Variants in HBQ1 observed in about 807,000 individuals in gnomAD.
The protein encoded by HBQ1 is hemoglobin subunit theta-1.
A neutral mutation model predicts 8.2 loss-of-function variants in HBQ1; 9 were observed. The observed-to-expected ratio is 1.10, with a 90% CI of 0.66 to 1.92. HBQ1 has a LOEUF of 1.92. Ranked by LOEUF, HBQ1 falls within the 40% of genes most tolerant of loss-of-function variation. The pLI is 0.00. For missense variants in HBQ1, 216 were observed against 189.3 expected (o/e 1.14, Z -0.83); for synonymous variants, 102 against 100.0 (o/e 1.02, Z -0.12).
At position 180,768 on chromosome 16, in the gene HBQ1, G is replaced by T; in HGVS notation, c.198G>T (p.Ala66=). The T allele has an allele frequency of 6.4e-7, 1 of 1,573,560 alleles. No individual in the cohort carries two copies. Among genetic ancestry groups the T allele is most frequent in the Non-Finnish European group, 8.6e-7 (1 of 1,161,936 alleles). ...VRAHGQKVAD[A]LSLAVERLDD... is the part of the protein sequence containing the mutation. ...CCCACGGCCAGAAGGTGGCGGACGCGCTGAGCCTCGCCGTGGAGCGCCTGG... is the reference window on the plus strand; with the variant it reads ...CCCACGGCCAGAAGGTGGCGGACGCTCTGAGCCTCGCCGTGGAGCGCCTGG... Residue 66 remains alanine (A), a synonymous_variant, in exon 2 of 3, where the codon GCG becomes GCT. Coordinates refer to ENST00000199708, the MANE Select transcript of HBQ1 (RefSeq NM_005331.5).
At chr16:180,942 G>T in intron 2 of HBQ1, 38 bp from the exon 3 acceptor site, 1 of 1,534,784 alleles carries the variant, frequency 6.5e-7, no homozygotes, top group East Asian at 2.4e-5. Context: ...GGCGTGCGGG[G>T]CGGGTGCAGG....
rs370841287 is a variant in HBQ1 at position 180,999 on chromosome 16, T to A, written c.320T>A (p.Leu107Gln). Residue 107 changes from leucine (L) to glutamine (Q), a missense_variant, in exon 3 of 3, where the codon CTG (leucine) becomes CAG (glutamine). Transcript: ENST00000199708. ...ASFQLLGHCL[L>Q]VTLARHYPGD... ...CCGCAGCTCCTGGGCCACTGCCTGCTGGTAACCCTCGCCCGGCACTACCCC... is the reference window on the plus strand; with the variant it reads ...CCGCAGCTCCTGGGCCACTGCCTGCAGGTAACCCTCGCCCGGCACTACCCC... 1.2e-6 allele frequency: 2 copies of A among 1,611,390 alleles called. No homozygotes were observed. The highest frequency in any genetic ancestry group is 1.7e-6 in the Non-Finnish European group (2 of 1,179,428).
chr16:180,887 C>G lies in HBQ1; in HGVS notation c.300+17C>G. ...AGCTTCCAGGTGAGCGGCTGCCGTG[C>G]TGGGCCCCTGTCCCCGGGAGGGCCC... On this transcript the variant is annotated intron_variant, in intron 2 of 2. Transcript: ENST00000199708. The G allele has an allele frequency of 6.6e-7, 1 of 1,524,830 alleles. No homozygotes were observed. The highest frequency in any genetic ancestry group is 8.8e-7 in the Non-Finnish European group (1 of 1,138,310). The allele number at this position is 1,524,830 out of a possible 1,614,324, so 94.5% of individuals were successfully genotyped here.
Position 181,053 on chromosome 16 carries a change from C to T in HBQ1, c.374C>T (p.Ser125Leu), listed in dbSNP as rs1306363498. Reference protein sequence around the residue: ...PGDFSPALQASLDKFLSHVIS... With the variant: ...PGDFSPALQALLDKFLSHVIS... ...GACTTCAGCCCCGCGCTGCAGGCGT[C>T]GCTGGACAAGTTCCTGAGCCACGTT... Residue 125 changes from serine (S) to leucine (L), a missense_variant, in exon 3 of 3, where the codon TCG becomes TTG. Coordinates refer to ENST00000199708, the MANE Select transcript of HBQ1 (RefSeq NM_005331.5). 1 of 1,613,172 alleles carries T rather than the reference C, an allele frequency of 6.2e-7. No individual in the cohort carries two copies. The highest frequency in any genetic ancestry group is 1.3e-5 in the African/African-American group (1 of 74,924).
At chr16:180,914 G>A in intron 2 of HBQ1, 44 bp downstream of exon 2, 1 of 1,509,282 alleles carries the variant, frequency 6.6e-7, no homozygotes, top group South Asian at 1.3e-5. Flanking sequence ...GGAGGGCCCC[G>A]GCGGGGTGGG....
Position 180,923 on chromosome 16 carries a change from GGTGCGGGGGGC to G in HBQ1, c.301-48_301-38del, listed in dbSNP as rs547445233. 626 of 1,504,864 alleles carry G rather than the reference GGTGCGGGGGGC, an allele frequency of 4.2e-4. 2 individuals are homozygous for G. The African/African-American group carries it at 6.9e-3, about 17-fold the overall frequency. 93.2% of individuals were successfully genotyped at this position (1,504,864 alleles called of 1,614,324 possible). ...TCCCCGGGAGGGCCCCGGCGGGGTG[GGTGCGGGGGGC>G]GTGCGGGGCGGGTGCAGGCGAGTGA... On this transcript the variant is annotated intron_variant, in intron 2 of 2. Transcript: ENST00000199708.
chr16:180,467 C>A lies in HBQ1; in HGVS notation c.-20C>A, dbSNP rs1219685511. On this transcript the variant is annotated 5_prime_UTR_variant, in exon 1 of 3. Transcript: ENST00000199708. ...GCAGGCGCAGCGGGGTCGCAGGGCG[C>A]GGCGGGTTCCAGCGCGGGGATGGCG... 1 of 1,449,950 alleles carries A rather than the reference C, an allele frequency of 6.9e-7. No individual in the cohort carries two copies. The highest frequency in any genetic ancestry group is 9.1e-7 in the Non-Finnish European group (1 of 1,099,508). 89.8% of individuals were successfully genotyped at this position (1,449,950 alleles called of 1,614,324 possible).
chr16:181,162 A>G lies in HBQ1; in HGVS notation c.*54A>G. On this transcript the variant is annotated 3_prime_UTR_variant, in exon 3 of 3. Coordinates refer to ENST00000199708, the MANE Select transcript of HBQ1 (RefSeq NM_005331.5). Reference sequence around the variant, plus strand: ...AGGCGACCTTCCCCGTGTTTGAGTAAAGCCTCTCCCAGGAGCAGCCTTCTT... The same window carrying G: ...AGGCGACCTTCCCCGTGTTTGAGTAGAGCCTCTCCCAGGAGCAGCCTTCTT... 2 of 1,599,394 alleles carry G rather than the reference A, an allele frequency of 1.3e-6. No homozygotes were observed. The highest frequency in any genetic ancestry group is 1.7e-6 in the Non-Finnish European group (2 of 1,169,734).
Position 180,599 on chromosome 16 carries a change from C to A in HBQ1, c.95+18C>A. Reference sequence around the variant, plus strand: ...CTGGAAAGGTGCGGCAGGCTGGGCGCCCCCGCCCCCAGGGGCCCTCCCTCC... The same window carrying A: ...CTGGAAAGGTGCGGCAGGCTGGGCGACCCCGCCCCCAGGGGCCCTCCCTCC... On this transcript the variant is annotated intron_variant, in intron 1 of 2. Transcript: ENST00000199708. 6.5e-7 allele frequency: 1 copy of A among 1,533,782 alleles called. No homozygotes were observed. Among genetic ancestry groups the A allele is most frequent in the Admixed American group, 2.0e-5 (1 of 50,964 alleles).
rs201357046 is a variant in HBQ1, at chr16:180,982, C to T, written c.303C>T (p.Leu101=). Residue 101 remains leucine, a splice_region_variant and synonymous_variant, in exon 3 of 3, where the codon CTC becomes CTT. Coordinates refer to ENST00000199708, the MANE Select transcript of HBQ1 (RefSeq NM_005331.5). ...TGAGCCTTGAGCGCTCGCCGCAGCT[C>T]CTGGGCCACTGCCTGCTGGTAACCC... The part of the protein sequence containing the change: ...QLRVDPASFQ[L]LGHCLLVTLA... 1,241 of 1,608,508 alleles carry T rather than the reference C, an allele frequency of 7.7e-4. 12 individuals carry two copies. In the South Asian group the frequency reaches 0.012, roughly 16 times the overall value.
chr16:180,757 G>A lies in HBQ1; in HGVS notation c.187G>A (p.Val63Met), dbSNP rs1567166336. The change falls in exon 2 of 3, where the codon GTG becomes ATG. Residue 63 changes from valine (V) to methionine (M), a missense_variant. Physicochemically the swap from Val to Met is conservative, Grantham distance 21. Transcript: ENST00000199708. Reference sequence around the variant, plus strand: ...ACAAGTCAGAGCCCACGGCCAGAAGGTGGCGGACGCGCTGAGCCTCGCCGT... The same window carrying A: ...ACAAGTCAGAGCCCACGGCCAGAAGATGGCGGACGCGCTGAGCCTCGCCGT... ...SSQVRAHGQK[V>M]ADALSLAVER... The A allele has an allele frequency of 6.3e-7, 1 of 1,582,296 alleles. No homozygotes were observed. The highest frequency in any genetic ancestry group is 8.6e-7 in the Non-Finnish European group (1 of 1,166,160).
chr16:181,156 T>C lies in HBQ1; in HGVS notation c.*48T>C, dbSNP rs1596577210. ...ATCCCCAGGCGACCTTCCCCGTGTT[T>C]GAGTAAAGCCTCTCCCAGGAGCAGC... On this transcript the variant is annotated 3_prime_UTR_variant, in exon 3 of 3. Transcript: ENST00000199708. The C allele has an allele frequency of 6.2e-7, 1 of 1,605,866 alleles. No homozygotes were observed. Among genetic ancestry groups the C allele is most frequent in the Admixed American group, 1.7e-5 (1 of 59,754 alleles).
Position 180,504 on chromosome 16 carries a change from G to T in HBQ1, c.18G>T (p.Glu6Asp). Reference sequence around the variant, plus strand: ...GCGCGGGGATGGCGCTGTCCGCGGAGGACCGGGCGCTGGTGCGCGCCCTGT... The same window carrying T: ...GCGCGGGGATGGCGCTGTCCGCGGATGACCGGGCGCTGGTGCGCGCCCTGT... Reference protein sequence around the residue: MALSAEDRALVRALWK... With the variant: MALSADDRALVRALWK... The change falls in exon 1 of 3, where the codon GAG becomes GAT. Residue 6 changes from glutamate (E) to aspartate (D), a missense_variant. By Grantham distance (45) the Glu-to-Asp change is conservative. Transcript: ENST00000199708. 6.5e-7 allele frequency: 1 copy of T among 1,528,996 alleles called. No homozygotes were observed. Among genetic ancestry groups the T allele is most frequent in the East Asian group, 2.5e-5 (1 of 39,700 alleles). 94.7% of individuals were successfully genotyped at this position (1,528,996 alleles called of 1,614,324 possible).
At position 180,522 on chromosome 16, in the gene HBQ1, C is replaced by T. The variant is rs372830198; in HGVS notation, c.36C>T (p.Arg12=). ...ALSAEDRALV[R]ALWKKLGSNV... ...CCGCGGAGGACCGGGCGCTGGTGCG[C>T]GCCCTGTGGAAGAAGCTGGGCAGCA... Residue 12 remains arginine, a synonymous_variant, in exon 1 of 3, where the codon CGC becomes CGT. Coordinates refer to ENST00000199708, the MANE Select transcript of HBQ1 (RefSeq NM_005331.5). 172 of 1,536,228 alleles carry T rather than the reference C, an allele frequency of 1.1e-4. No homozygotes were observed. The African/African-American group carries it at 2.0e-3, about 18-fold the overall frequency.
rs369065332 is a variant in HBQ1 at position 180,736 on chromosome 16, G to A, written c.166G>A (p.Val56Ile). The A allele has an allele frequency of 6.3e-7, 1 of 1,593,510 alleles. No homozygotes were observed. The highest frequency in any genetic ancestry group is 1.3e-5 in the African/African-American group (1 of 74,482). The change falls in exon 2 of 3, where the codon GTC becomes ATC. Residue 56 changes from valine to isoleucine, a missense_variant. Physicochemically the swap from Val to Ile is conservative, Grantham distance 29 (BLOSUM62 3). Coordinates refer to ENST00000199708, the MANE Select transcript of HBQ1 (RefSeq NM_005331.5). ...HLDLSPGSSQ[V>I]RAHGQKVADA... is the part of the protein sequence containing the mutation. ...GGACCTGAGCCCCGGCTCCTCACAA[G>A]TCAGAGCCCACGGCCAGAAGGTGGC... is the stretch of plus-strand genomic sequence containing the variant.
chr16:180,698 A>G lies in HBQ1; in HGVS notation c.128A>G (p.Tyr43Cys). Residue 43 changes from tyrosine to cysteine, a missense_variant, in exon 2 of 3, where the codon TAC becomes TGC. By Grantham distance (194) the Tyr-to-Cys change is radical. Coordinates refer to ENST00000199708, the MANE Select transcript of HBQ1 (RefSeq NM_005331.5). The stretch of plus-strand genomic sequence containing the variant: ...CTGGCTTTCCCCGCCACGAAGACCT[A>G]CTTCTCCCACCTGGACCTGAGCCCC... ...TFLAFPATKT[Y>C]FSHLDLSPGS... is the part of the protein sequence containing the mutation. 6.3e-7 allele frequency: 1 copy of G among 1,595,658 alleles called. No individual in the cohort carries two copies. The highest frequency in any genetic ancestry group is 8.5e-7 in the Non-Finnish European group (1 of 1,173,198).
Position 180,819 on chromosome 16 carries a change from G to A in HBQ1, c.249G>A (p.Ala83=), listed in dbSNP as rs544242600. 53 of 1,552,198 alleles carry A rather than the reference G, an allele frequency of 3.4e-5. No individual in the cohort carries two copies. Among genetic ancestry groups the A allele is most frequent in the Non-Finnish European group, 4.4e-5 (51 of 1,152,870 alleles). Residue 83 remains alanine, a synonymous_variant, in exon 2 of 3, where the codon GCG becomes GCA. Transcript: ENST00000199708. The part of the protein sequence containing the change: ...RLDDLPHALS[A]LSHLHACQLR... ...ACGACCTACCCCACGCGCTGTCCGC[G>A]CTGAGCCACCTGCACGCGTGCCAGC...
chr16:181,152 T>G lies in HBQ1; in HGVS notation c.*44T>G. On this transcript the variant is annotated 3_prime_UTR_variant, in exon 3 of 3. Transcript: ENST00000199708. ...CGGGATCCCCAGGCGACCTTCCCCG[T>G]GTTTGAGTAAAGCCTCTCCCAGGAG... 1 of 1,607,848 alleles carries G rather than the reference T, an allele frequency of 6.2e-7. No individual in the cohort carries two copies. Among genetic ancestry groups the G allele is most frequent in the Non-Finnish European group, 8.5e-7 (1 of 1,176,430 alleles).
At position 180,970 on chromosome 16, in the gene HBQ1, C is replaced by T. The variant is rs745483593; in HGVS notation, c.301-10C>T. The T allele has an allele frequency of 2.5e-6, 4 of 1,597,796 alleles. No homozygotes were observed. In the African/African-American group the frequency reaches 5.4e-5, roughly 21 times the overall value. The stretch of plus-strand genomic sequence containing the variant: ...GGTGCAGGCGAGTGAGCCTTGAGCG[C>T]TCGCCGCAGCTCCTGGGCCACTGCC... On this transcript the variant is annotated splice_polypyrimidine_tract_variant and intron_variant, in intron 2 of 2. Coordinates refer to ENST00000199708, the MANE Select transcript of HBQ1 (RefSeq NM_005331.5).
Sources: gnomAD v4.1 joint callset for allele counts on GRCh38, gnomAD v4.1.1 for gene constraint, MANE v1.5 for transcripts, NCBI Gene and HGNC (gene_info 2026-07-23, HGNC 2026-07-21) for gene names.